The following TMEM117 variants were observed in gnomAD, a reference collection of about 807,000 sequenced individuals.
The protein encoded by TMEM117 is transmembrane protein 117.
In TMEM117, 27 loss-of-function variants were observed where a neutral mutation model predicts 52.4. That is an observed-to-expected ratio of 0.51 (90% CI 0.38 to 0.71). The LOEUF (loss-of-function observed/expected upper bound fraction) is 0.71. Among genes scored for constraint, TMEM117 ranks in the 30% least tolerant of loss-of-function variants. TMEM117 has a pLI of 0.00. For missense variants in TMEM117, 556 were observed against 630.5 expected (o/e 0.88, Z 1.26); for synonymous variants, 215 against 206.3 (o/e 1.04, Z -0.36).
chr12:44,355,823 C>A lies in TMEM117; in HGVS notation c.769-20772C>A, dbSNP rs562503858. Among the ~76,000 whole-genome samples the A allele has an allele frequency of 6.2e-4, 95 of 152,154 alleles. 1 individual carries two copies. The highest frequency in any genetic ancestry group is 2.3e-3 in the African/African-American group (94 of 41,534). ...TGATGGCAGCAAGAGGCTGGAGCAG[C>A]CTACTACCTGACCCAGTGAAGAAGC... On this transcript the variant is annotated intron_variant, in intron 6 of 7. Coordinates refer to ENST00000266534, the MANE Select transcript of TMEM117 (RefSeq NM_032256.3).
chr12:43,959,029 G>C (rs1240274836), intron 3 of TMEM117, among the ~76,000 whole-genome samples: 3 of 152,134 alleles, frequency 2.0e-5, no homozygotes, highest in Admixed American at 2.0e-4. Flanking sequence ...GGATGGTCTT[G>C]ATCTCCTGAC....
At chr12:44,310,103 G>A (rs979017220) in intron 6 of TMEM117, among the ~76,000 whole-genome samples, 2 of 152,158 alleles carry the variant, frequency 1.3e-5, no homozygotes, top group Non-Finnish European at 2.9e-5. Flanking sequence ...TTAAATGCTT[G>A]AAGTATGATG....
chr12:44,157,270 G>A (rs1009132998), intron 4 of TMEM117, among the ~76,000 whole-genome samples: 2 of 152,032 alleles, frequency 1.3e-5, no homozygotes, highest in Non-Finnish European at 2.9e-5. Flanking sequence ...GTTGCCATTT[G>A]CTCAGGGGGT....
intron 3 of TMEM117, among the ~76,000 whole-genome samples, chr12:44,012,988 T>A (rs1946318257): frequency 6.6e-6 from 1 of 151,836 alleles, no homozygotes; most frequent in Non-Finnish European, 1.5e-5. Flanking sequence ...CTCCTCTGAT[T>A]AGGTATCACA....
intron 3 of TMEM117, among the ~76,000 whole-genome samples, chr12:44,018,881 A>T (rs1308820548): frequency 6.6e-6 from 1 of 151,658 alleles, no homozygotes; most frequent in Non-Finnish European, 1.5e-5. Context: ...CACCACACCT[A>T]GCTAATGTTT....
intron 2 of TMEM117, among the ~76,000 whole-genome samples, chr12:43,937,558 C>T (rs1041206333): frequency 2.6e-5 from 4 of 152,092 alleles, no homozygotes; most frequent in Non-Finnish European, 5.9e-5. Flanking sequence ...GAAGCAGGAG[C>T]TTCTCGCCAA....
At chr12:44,156,596 G>A (rs2138241897) in intron 4 of TMEM117, among the ~76,000 whole-genome samples, 1 of 152,146 alleles carries the variant, frequency 6.6e-6, no homozygotes, top group Middle Eastern at 3.4e-3. Context: ...AAAATGCAGG[G>A]ACTGTTTCTC....
intron 4 of TMEM117, among the ~76,000 whole-genome samples, chr12:44,146,440 G>A (rs1225067497): frequency 6.6e-6 from 1 of 152,048 alleles, no homozygotes; most frequent in Non-Finnish European, 1.5e-5. Flanking sequence ...AACCCCCTGG[G>A]GCCTTTCTGT....
At chr12:43,975,246 A>C (rs1269701106) in intron 3 of TMEM117, among the ~76,000 whole-genome samples, 3 of 152,154 alleles carry the variant, frequency 2.0e-5, no homozygotes, top group African/African-American at 7.2e-5. Flanking sequence ...CAGGAAGACA[A>C]ATTGTATTTG....
intron 5 of TMEM117, among the ~76,000 whole-genome samples, chr12:44,214,628 T>C (rs1949692494): frequency 6.6e-6 from 1 of 152,226 alleles, no homozygotes; most frequent in Non-Finnish European, 1.5e-5. Context: ...GTAGTTATTC[T>C]TTCTGTAAAA....
chr12:44,213,812 C>A (rs147429645), intron 5 of TMEM117, among the ~76,000 whole-genome samples: 15 of 152,208 alleles, frequency 9.9e-5, no homozygotes, highest in African/African-American at 2.9e-4. Context: ...GCCTTCCCAG[C>A]CATGCGGAAT....
chr12:44,087,630 A>G (rs1424107490), intron 3 of TMEM117, among the ~76,000 whole-genome samples: 1 of 151,940 alleles, frequency 6.6e-6, no homozygotes, highest in Admixed American at 6.6e-5. Context: ...ACGCCCGACC[A>G]ATTTCCCTAT....
At chr12:43,967,065 C>G (rs568152712) in intron 3 of TMEM117, among the ~76,000 whole-genome samples, 1 of 151,866 alleles carries the variant, frequency 6.6e-6, no homozygotes, top group Non-Finnish European at 1.5e-5. Flanking sequence ...AAGTATAGGT[C>G]GAACCCAGTG....
chr12:43,845,547 A>T (rs7953229), intron 2 of TMEM117, among the ~76,000 whole-genome samples: 31,389 of 150,598 alleles, frequency 0.21, 5,919 homozygotes, highest in African/African-American at 0.51. Context: ...TATTTTTAAA[A>T]TTTTTTTTAT....
chr12:43,813,018 A>T, the TMEM117 span, among the ~76,000 whole-genome samples: 1 of 139,210 alleles, frequency 7.2e-6, no homozygotes, highest in South Asian at 2.3e-4. Flanking sequence ...AAAAAAAAAA[A>T]GCAGCAGCAG....
chr12:44,291,374 GTTTTT>G (rs1185340451), intron 5 of TMEM117, among the ~76,000 whole-genome samples: 19 of 71,456 alleles, frequency 2.7e-4, no homozygotes, highest in Non-Finnish European at 4.4e-4. Flanking sequence ...AGTTCTAACA[GTTTTT>G]TTTTTTTTTT....
intron 3 of TMEM117, among the ~76,000 whole-genome samples, chr12:44,017,692 C>G (rs1946394124): frequency 6.6e-6 from 1 of 152,066 alleles, no homozygotes; most frequent in Non-Finnish European, 1.5e-5. Flanking sequence ...ATATTAGACA[C>G]TATGTTACCC....
At chr12:43,942,083 G>A (rs1945052677) in intron 2 of TMEM117, among the ~76,000 whole-genome samples, 1 of 152,112 alleles carries the variant, frequency 6.6e-6, no homozygotes, top group African/African-American at 2.4e-5. Context: ...AAATAAATAG[G>A]TCTTGGTCTA....
chr12:44,224,373 C>T (rs1592620539), intron 5 of TMEM117, among the ~76,000 whole-genome samples: 1 of 152,090 alleles, frequency 6.6e-6, no homozygotes, highest in East Asian at 1.9e-4. Flanking sequence ...ACCTTTTTGT[C>T]CCATCTATAC....
Sources: gnomAD v4.1 joint callset for allele counts (sites outside exome capture counted in the v4.1 genomes callset) on GRCh38, gnomAD v4.1.1 for gene constraint, MANE v1.5 for transcripts, NCBI Gene and HGNC (gene_info 2026-07-23, HGNC 2026-07-21) for gene names.